Variants in ROBO2 observed in about 807,000 individuals in gnomAD.
ROBO2 encodes roundabout guidance receptor 2, also known as roundabout homolog 2.
ROBO2 carries 53 observed loss-of-function variants against 160.8 expected under a neutral mutation model. The observed-to-expected ratio is 0.33, with a 90% CI of 0.26 to 0.41. ROBO2 has a LOEUF of 0.41. Ranked by LOEUF, ROBO2 falls within the 10% of genes least tolerant of loss-of-function variation. The pLI is 1.00. For missense variants in ROBO2, 1,577 were observed against 1,722.4 expected (o/e 0.92, Z 1.49); for synonymous variants, 664 against 611.7 (o/e 1.09, Z -1.26).
intron 2 of ROBO2, among the ~76,000 whole-genome samples, chr3:76,412,477 G>A (rs948205215): frequency 1.3e-5 from 2 of 152,096 alleles, no homozygotes; most frequent in African/African-American, 4.8e-5. Flanking sequence ...TTCCCTTCCT[G>A]CTATGAGCTT....
At chr3:76,049,403 ATTT>A (rs1167852972) in intron 2 of ROBO2, among the ~76,000 whole-genome samples, 548 of 53,698 alleles carry the variant, frequency 0.01, 1 homozygote, top group Non-Finnish European at 0.012. Flanking sequence ...ATATATATAT[ATTT>A]TTTTTTTTTT....
chr3:76,432,938 A>G lies in ROBO2; in HGVS notation c.109+495336A>G, dbSNP rs868238780. 2.6e-5 allele frequency among the ~76,000 whole-genome samples: 4 copies of G among 152,020 alleles called. No homozygotes were observed. In the South Asian group the frequency reaches 8.3e-4, roughly 32 times the overall value. On this transcript the variant is annotated intron_variant, in intron 2 of 26. Transcript: ENST00000487694. ...GATGGGAGGAGGGAGGGAGGGAAGGAGGGAGGAGACTCACTCACTCCAGAA... is the reference window on the plus strand; with the variant it reads ...GATGGGAGGAGGGAGGGAGGGAAGGGGGGAGGAGACTCACTCACTCCAGAA...
intron 2 of ROBO2, among the ~76,000 whole-genome samples, chr3:77,202,098 T>C (rs1488221714): frequency 6.6e-6 from 1 of 152,140 alleles, no homozygotes; most frequent in African/African-American, 2.4e-5. Context: ...CCTGCATGCC[T>C]AGATAGGTAT....
At chr3:77,514,286 A>G (rs1258189364) in intron 5 of ROBO2, among the ~76,000 whole-genome samples, 1 of 151,844 alleles carries the variant, frequency 6.6e-6, no homozygotes, top group Non-Finnish European at 1.5e-5. Flanking sequence ...TAATAGGAGA[A>G]TAATTTTAAA....
Position 77,130,740 on chromosome 3 carries a change from T to G in ROBO2, c.388+32400T>G, listed in dbSNP as rs9833804. Among the ~76,000 whole-genome samples, 1,113 of 152,312 alleles carry G rather than the reference T, an allele frequency of 7.3e-3. 10 individuals are homozygous for G. The highest frequency in any genetic ancestry group is 9.7e-3 in the Non-Finnish European group (660 of 68,028). On this transcript the variant is annotated intron_variant, in intron 2 of 25. Transcript: ENST00000461745. The stretch of plus-strand genomic sequence containing the variant: ...CAATGCTTGGTATATATGTAACACA[T>G]TATCCTCTTTCCATGCACCTCTGTG...
Position 77,240,000 on chromosome 3 carries a change from C to G in ROBO2, c.388+141660C>G, listed in dbSNP as rs577415798. 1.4e-4 allele frequency among the ~76,000 whole-genome samples: 21 copies of G among 152,330 alleles called. No individual in the cohort carries two copies. The South Asian group carries it at 3.3e-3, about 24-fold the overall frequency. On this transcript the variant is annotated intron_variant, in intron 2 of 25. Coordinates refer to ENST00000461745, the Ensembl canonical transcript of ROBO2. ...TAGAGATAAAAGTTCTCCAAGTCCC[C>G]ACCTGACTCAGGAGCCCAGTTGGCT...
chr3:77,405,941 T>C (rs1403652727), intron 2 of ROBO2, among the ~76,000 whole-genome samples: 1 of 152,110 alleles, frequency 6.6e-6, no homozygotes, highest in Non-Finnish European at 1.5e-5. Context: ...TGGCAAAAAG[T>C]AGAGGTATGA....
chr3:76,536,515 A>G (rs2082511890), intron 2 of ROBO2, among the ~76,000 whole-genome samples: 1 of 152,040 alleles, frequency 6.6e-6, no homozygotes, highest in Non-Finnish European at 1.5e-5. Context: ...TAAGCTTGTC[A>G]TAATTGATAG....
At position 77,129,851 on chromosome 3, in the gene ROBO2, T is replaced by C. The variant is rs564859446; in HGVS notation, c.388+31511T>C. ...ACCATGACCCTTTTTTTGGTGCAAC[T>C]TTGGCTTTGAGAAGTGCTTTGGAGC... On this transcript the variant is annotated intron_variant, in intron 2 of 25. Coordinates refer to ENST00000461745, the Ensembl canonical transcript of ROBO2. Among the ~76,000 whole-genome samples, 126 of 152,222 alleles carry C rather than the reference T, an allele frequency of 8.3e-4. 1 individual carries two copies. Among genetic ancestry groups the C allele is most frequent in the African/African-American group, 2.7e-3 (114 of 41,540 alleles).
chr3:76,089,897 A>T (rs746678339), intron 2 of ROBO2, among the ~76,000 whole-genome samples: 1 of 152,188 alleles, frequency 6.6e-6, no homozygotes, highest in Non-Finnish European at 1.5e-5. Context: ...CCTTGTTTGC[A>T]GATGACATGA....
At chr3:76,107,107 C>T (rs1456489561) in intron 2 of ROBO2, among the ~76,000 whole-genome samples, 1 of 152,102 alleles carries the variant, frequency 6.6e-6, no homozygotes, top group African/African-American at 2.4e-5. Context: ...AAAACATTCT[C>T]ATTTGAAGCT....
chr3:77,610,567 G>T (rs976863426), intron 21 of ROBO2, among the ~76,000 whole-genome samples: 1 of 151,776 alleles, frequency 6.6e-6, no homozygotes, highest in Non-Finnish European at 1.5e-5. Context: ...AAAACATTTG[G>T]TGGCTGTTGG....
At chr3:77,233,813 ATACT>A (rs2087559514) in intron 2 of ROBO2, among the ~76,000 whole-genome samples, 1 of 152,212 alleles carries the variant, frequency 6.6e-6, no homozygotes, top group African/African-American at 2.4e-5. Flanking sequence ...CAAGAAAATA[ATACT>A]TAAATGAAAT....
intron 2 of ROBO2, among the ~76,000 whole-genome samples, chr3:76,282,488 A>C (rs1195725509): frequency 6.6e-6 from 1 of 152,050 alleles, no homozygotes; most frequent in Non-Finnish European, 1.5e-5. Flanking sequence ...TTTCTAAAAA[A>C]TAGCTAGTCA....
intron 2 of ROBO2, among the ~76,000 whole-genome samples, chr3:76,956,637 C>T (rs2079292298): frequency 6.6e-6 from 1 of 151,452 alleles, no homozygotes; most frequent in Non-Finnish European, 1.5e-5. Context: ...AGGAACCATA[C>T]AAACCTGTGG....
At chr3:77,402,666 G>A (rs939813149) in intron 2 of ROBO2, among the ~76,000 whole-genome samples, 3 of 151,874 alleles carry the variant, frequency 2.0e-5, no homozygotes, top group South Asian at 2.1e-4. Flanking sequence ...TCAAGTGAGC[G>A]TGTGTACAAC....
chr3:77,540,589 G>A (rs1261364783), intron 6 of ROBO2, among the ~76,000 whole-genome samples: 12 of 152,094 alleles, frequency 7.9e-5, no homozygotes, highest in African/African-American at 2.7e-4. Context: ...GGCGCGCAGG[G>A]GGAGGGAGAG....
chr3:77,532,618 C>A (rs1323828182), intron 6 of ROBO2, among the ~76,000 whole-genome samples: 9 of 151,892 alleles, frequency 5.9e-5, no homozygotes, highest in Non-Finnish European at 5.9e-5. Flanking sequence ...TAATTTCAAT[C>A]ATTTTTATTT....
intron 2 of ROBO2, among the ~76,000 whole-genome samples, chr3:77,422,555 C>T (rs1408492342): frequency 1.3e-5 from 2 of 152,156 alleles, no homozygotes; most frequent in African/African-American, 2.4e-5. Context: ...AGAGTCAGCT[C>T]AATGATATCG....
Sources: gnomAD v4.1 joint callset for allele counts (sites outside exome capture counted in the v4.1 genomes callset) on GRCh38, gnomAD v4.1.1 for gene constraint, MANE v1.5 for transcripts, NCBI Gene and HGNC (gene_info 2026-07-23, HGNC 2026-07-21) for gene names.